The following DRC4 variants were observed in gnomAD, a reference collection of about 807,000 sequenced individuals.
The protein encoded by DRC4 is GAS-11.
the DRC4 span, among the ~76,000 whole-genome samples, chr16:90,041,316 G>A: frequency 6.6e-6 from 1 of 152,182 alleles, no homozygotes; most frequent in Non-Finnish European, 1.5e-5. Context: ...GGCCCCCGCA[G>A]GGACACTGTT....
the DRC4 span, chr16:90,044,504 C>A: frequency 1.2e-4 from 55 of 471,090 alleles, no homozygotes; most frequent in African/African-American, 8.2e-4. Context: ...GCTCTCACCT[C>A]CACATGTGGG....
chr16:90,021,856 CAA>C, the DRC4 span, among the ~76,000 whole-genome samples: 8 of 28,936 alleles, frequency 2.8e-4, no homozygotes, highest in East Asian at 1.9e-3. Context: ...ACCCTGTCTC[CAA>C]AAAAAAAAAA....
At chr16:90,041,328 GCT>G in the DRC4 span, among the ~76,000 whole-genome samples, 2 of 152,278 alleles carry the variant, frequency 1.3e-5, no homozygotes, top group African/African-American at 2.4e-5. Flanking sequence ...GACACTGTTT[GCT>G]GCTGGCCAGG....
At chr16:90,041,047 C>G in the DRC4 span, among the ~76,000 whole-genome samples, 1 of 152,128 alleles carries the variant, frequency 6.6e-6, no homozygotes, top group Non-Finnish European at 1.5e-5. Context: ...TGAGCACAGG[C>G]AGGTGAGGGA....
the DRC4 span, among the ~76,000 whole-genome samples, chr16:90,030,405 A>T: frequency 2.0e-5 from 3 of 151,878 alleles, no homozygotes; most frequent in Non-Finnish European, 4.4e-5. Flanking sequence ...CAGTGGTGTG[A>T]TCACGGCTCA....
the DRC4 span, chr16:90,036,459 A>C: frequency 3.7e-6 from 6 of 1,613,782 alleles, no homozygotes; most frequent in Non-Finnish European, 5.1e-6. Flanking sequence ...GAGCTCCACG[A>C]AGTGGAGGAG....
chr16:90,024,645 C>T, the DRC4 span, among the ~76,000 whole-genome samples: 1 of 152,102 alleles, frequency 6.6e-6, no homozygotes, highest in Non-Finnish European at 1.5e-5. Context: ...TTTTAAAGGA[C>T]TCCAGCTCTT....
chr16:90,036,307 C>G, the DRC4 span: 3 of 1,354,204 alleles, frequency 2.2e-6, no homozygotes, highest in Middle Eastern at 6.5e-4. Flanking sequence ...GGCCCGTTTA[C>G]AGGCTCCATG....
the DRC4 span, chr16:90,032,727 C>T: frequency 6.2e-7 from 1 of 1,613,794 alleles, no homozygotes. Context: ...GGTGTACAAG[C>T]AGAAAGTGAA....
At chr16:90,028,937 CA>C in the DRC4 span, 1 of 1,300,264 alleles carries the variant, frequency 7.7e-7, no homozygotes, top group Non-Finnish European at 1.0e-6. Context: ...ATTTTACATG[CA>C]GGCAAACCAT....
chr16:90,021,632 C>T, the DRC4 span, among the ~76,000 whole-genome samples: 3 of 151,808 alleles, frequency 2.0e-5, no homozygotes, highest in Admixed American at 6.6e-5. Flanking sequence ...TTTGGGAGGC[C>T]GAGGCAGGAG....
the DRC4 span, chr16:90,037,525 C>T: frequency 8.8e-7 from 1 of 1,136,940 alleles, no homozygotes; most frequent in Non-Finnish European, 1.2e-6. Flanking sequence ...CTGCATTTCT[C>T]CTTTCTCTGC....
the DRC4 span, chr16:90,036,589 G>A: frequency 6.4e-7 from 1 of 1,566,952 alleles, no homozygotes; most frequent in African/African-American, 1.4e-5. Flanking sequence ...CCCTCAAGGT[G>A]CTGTGCGTGG....
the DRC4 span, chr16:90,044,021 G>A: frequency 2.3e-6 from 1 of 433,118 alleles, no homozygotes; most frequent in Admixed American, 3.2e-5. Context: ...AGAGTATAAG[G>A]GGATAGCAGC....
the DRC4 span, chr16:90,032,576 G>C: frequency 5.6e-6 from 4 of 714,010 alleles, no homozygotes; most frequent in Non-Finnish European, 9.7e-6. Context: ...AGGAGGTGTG[G>C]TACAGGTGAC....
the DRC4 span, chr16:90,037,999 AC>A: frequency 1.4e-6 from 1 of 700,908 alleles, no homozygotes; most frequent in Non-Finnish European, 2.5e-6. Context: ...TGGCCCCTGG[AC>A]CAGCTTCAGA....
chr16:90,040,371 G>A, the DRC4 span: 1 of 1,609,958 alleles, frequency 6.2e-7, no homozygotes, highest in Non-Finnish European at 8.5e-7. Flanking sequence ...AGAAGACAGG[G>A]TTCAAGAACC....
chr16:90,024,515 G>C, the DRC4 span, among the ~76,000 whole-genome samples: 1 of 152,120 alleles, frequency 6.6e-6, no homozygotes, highest in Non-Finnish European at 1.5e-5. Flanking sequence ...CATGTTTTGC[G>C]ACTTGAGTTT....
the DRC4 span, among the ~76,000 whole-genome samples, chr16:90,025,747 C>A: frequency 6.8e-6 from 1 of 148,056 alleles, no homozygotes; most frequent in Middle Eastern, 3.5e-3. Flanking sequence ...ATTAGCCAGG[C>A]GTGGTGGCGG....
Sources: allele counts gnomAD v4.1 joint callset (sites outside exome capture counted in the v4.1 genomes callset), GRCh38; gene constraint gnomAD v4.1.1; transcripts MANE v1.5; gene names NCBI Gene and HGNC (gene_info 2026-07-23, HGNC 2026-07-21).